Variants in MYH9 observed in about 807,000 individuals in gnomAD.
MYH9 encodes the protein myosin-9.
In MYH9, 29 loss-of-function variants were observed where a neutral mutation model predicts 241.9. The observed-to-expected ratio is 0.12, with a 90% CI of 0.09 to 0.16. The LOEUF (loss-of-function observed/expected upper bound fraction) is 0.16, where lower values mean the gene tolerates loss of function less well. MYH9 is among the 10% of genes least tolerant of loss of function. The pLI, the probability that MYH9 is intolerant of heterozygous loss-of-function variation, is 1.00. For synonymous variants in MYH9, 1,047 were observed against 1,062.6 expected (o/e 0.99, Z 0.29); for missense variants, 1,803 against 2,595.5 (o/e 0.69, Z 6.63).
chr22:36,348,095 T>C (rs368341310), intron 2 of MYH9, among the ~76,000 whole-genome samples: 2 of 144,270 alleles, frequency 1.4e-5, no homozygotes, highest in African/African-American at 5.0e-5. Flanking sequence ...TATTTTAAGA[T>C]ATTTTTTAAA....
chr22:36,292,366 C>T (rs1361236640), intron 30 of MYH9, 132 bp from the exon 31 acceptor site: 1 of 1,208,498 alleles, frequency 8.3e-7, no homozygotes, highest in Non-Finnish European at 1.2e-6. Flanking sequence ...AGTTATGAAA[C>T]CGCCTCCCCC....
chr22:36,322,898 C>G (rs1487861608), intron 5 of MYH9, among the ~76,000 whole-genome samples: 2 of 152,226 alleles, frequency 1.3e-5, no homozygotes, highest in Non-Finnish European at 2.9e-5. Context: ...ACACCAGCTT[C>G]CCTCTACCTC....
intron 15 of MYH9, among the ~76,000 whole-genome samples, chr22:36,307,659 G>T (rs946743055): frequency 6.6e-6 from 1 of 152,098 alleles, no homozygotes; most frequent in Admixed American, 6.5e-5. Context: ...AGGCTGAGGC[G>T]GGTGGATCAC....
At chr22:36,342,466 A>G (rs1322579776) in intron 2 of MYH9, among the ~76,000 whole-genome samples, 2 of 152,182 alleles carry the variant, frequency 1.3e-5, no homozygotes, top group African/African-American at 2.4e-5. Flanking sequence ...ACCATTTCCA[A>G]CAGCAACAGT....
intron 1 of MYH9, among the ~76,000 whole-genome samples, chr22:36,362,080 A>G (rs1163208342): frequency 6.6e-6 from 1 of 152,172 alleles, no homozygotes; most frequent in Non-Finnish European, 1.5e-5. Flanking sequence ...AAAATAAAAA[A>G]AACAGAAATC....
At chr22:36,319,486 A>AT (rs2017214687) in intron 10 of MYH9, 54 bp downstream of exon 10, 5 of 1,556,890 alleles carry the variant, frequency 3.2e-6, no homozygotes. Context: ...TCCTGAGCAA[A>AT]TCCATGGCCA....
chr22:36,306,442 C>T lies in MYH9; in HGVS notation c.2009G>A (p.Arg670His), dbSNP rs2016971442. 1 of 1,614,098 alleles carries T rather than the reference C, an allele frequency of 6.2e-7. No individual in the cohort carries two copies. Among genetic ancestry groups the T allele is most frequent in the Non-Finnish European group, 8.5e-7 (1 of 1,180,022 alleles). Reference sequence around the variant, plus strand: ...CTTCTCGTGGTTGGGGATGATGCAGCGGACAAAGTTGGGGTTCGTGTTCCT... The same window carrying T: ...CTTCTCGTGGTTGGGGATGATGCAGTGGACAAAGTTGGGGTTCGTGTTCCT... ...TLRNTNPNFVRCIIPNHEKKA... is the reference protein window; with the variant it reads ...TLRNTNPNFVHCIIPNHEKKA... Residue 670 changes from arginine to histidine, a missense_variant, in exon 16 of 41, where the codon CGC becomes CAC. Coordinates refer to ENST00000216181, the MANE Select transcript of MYH9 (RefSeq NM_002473.6). The surrounding 1 kb of genome is among the most constrained non-coding windows in gnomAD (Gnocchi z 4.1).
At position 36,322,395 on chromosome 22, in the gene MYH9, GTCCCCAGAGCCGGGGCGCC is replaced by G; in HGVS notation, c.705+15_705+33del. 1 of 1,607,216 alleles carries G rather than the reference GTCCCCAGAGCCGGGGCGCC, an allele frequency of 6.2e-7. No homozygotes were observed. The highest frequency in any genetic ancestry group is 8.5e-7 in the Non-Finnish European group (1 of 1,174,174). On this transcript the variant is annotated intron_variant, in intron 6 of 40. Transcript: ENST00000216181. ...GCCAAAGCTCCGGGCAAGGCCCTCT[GTCCCCAGAGCCGGGGCGCC>G]GCCGCGCTACTCACGAAGCGGGAGG... is the stretch of plus-strand genomic sequence containing the variant.
intron 31 of MYH9, among the ~76,000 whole-genome samples, chr22:36,291,683 T>TAAAA (rs66686435): frequency 2.6e-4 from 23 of 86,850 alleles, no homozygotes; most frequent in South Asian, 8.3e-4. Flanking sequence ...ATAAAAAAAT[T>TAAAA]AAAAAAAAAA....
At position 36,301,817 on chromosome 22, in the gene MYH9, T is replaced by C. The variant is rs907361657; in HGVS notation, c.2500-152A>G. ...GGGCTGCAAGCAGGCACATCCTTCCTGGCGCTCTGTACCACGGGCTTCTGA... is the reference window on the plus strand; with the variant it reads ...GGGCTGCAAGCAGGCACATCCTTCCCGGCGCTCTGTACCACGGGCTTCTGA... On this transcript the variant is annotated intron_variant, in intron 20 of 40. Transcript: ENST00000216181. The C allele has an allele frequency of 3.0e-6, 3 of 1,011,452 alleles. No homozygotes were observed. In the Admixed American group the frequency reaches 6.0e-5, roughly 20 times the overall value. 62.7% of individuals were successfully genotyped at this position (1,011,452 alleles called of 1,614,324 possible). A position where few individuals can be genotyped will look rare whatever the true frequency, so the allele number is the denominator to read the frequency against.
intron 30 of MYH9, among the ~76,000 whole-genome samples, chr22:36,292,489 A>C (rs1321931082): frequency 6.6e-6 from 1 of 152,082 alleles, no homozygotes; most frequent in East Asian, 1.9e-4. Context: ...GGGGGCTCCC[A>C]GCCCACATCC....
rs373712846 is a variant in MYH9 at position 36,288,201 on chromosome 22, T to A, written c.4932+51A>T. On this transcript the variant is annotated intron_variant, in intron 34 of 40. Coordinates refer to ENST00000216181, the MANE Select transcript of MYH9 (RefSeq NM_002473.6). This position sits in a 1 kb window ranked among gnomAD's most constrained non-coding sequence, Gnocchi z 4.8. ...CGAGCCCTGGCACCTTCATATGTAG[T>A]TGGCTCAGTCGGGTGCCGCCCACCC... is the stretch of plus-strand genomic sequence containing the variant. The A allele has an allele frequency of 6.2e-7, 1 of 1,608,178 alleles. No individual in the cohort carries two copies. Among genetic ancestry groups the A allele is most frequent in the Admixed American group, 1.7e-5 (1 of 60,014 alleles).
chr22:36,357,114 C>T (rs193164103), intron 1 of MYH9, among the ~76,000 whole-genome samples: 38 of 152,290 alleles, frequency 2.5e-4, no homozygotes, highest in Admixed American at 1.4e-3. Context: ...GGAAGAACCA[C>T]GTCAACAACC....
rs1376851882 is a variant in MYH9, at chr22:36,341,408, T to C, written c.452A>G (p.Tyr151Cys). 5.0e-6 allele frequency: 8 copies of C among 1,614,146 alleles called. No homozygotes were observed. Among genetic ancestry groups the C allele is most frequent in the East Asian group, 2.2e-5 (1 of 44,886 alleles). The change falls in exon 3 of 41, where the codon TAT (tyrosine) becomes TGT (cysteine). Residue 151 changes from tyrosine to cysteine, a missense_variant. Transcript: ENST00000216181. ...KKRHEMPPHIYAITDTAYRSM... is the reference protein window; with the variant it reads ...KKRHEMPPHICAITDTAYRSM... ...CCTGTAGGCGGTGTCTGTGATGGCATAGATGTGAGGGGGCATCTCGTGCCT... is the reference window on the plus strand; with the variant it reads ...CCTGTAGGCGGTGTCTGTGATGGCACAGATGTGAGGGGGCATCTCGTGCCT...
At chr22:36,378,508 T>C (rs530466617) in intron 1 of MYH9, among the ~76,000 whole-genome samples, 1 of 152,250 alleles carries the variant, frequency 6.6e-6, no homozygotes, top group Admixed American at 6.5e-5. Flanking sequence ...AGACATTAAG[T>C]GACCTAAAGT....
chr22:36,340,263 G>A (rs2017563985), intron 3 of MYH9, among the ~76,000 whole-genome samples: 1 of 151,726 alleles, frequency 6.6e-6, no homozygotes, highest in African/African-American at 2.4e-5. Context: ...GGGGAATGAG[G>A]AGCCTTTCTA....
At chr22:36,313,325 G>A (rs1162205558) in intron 13 of MYH9, among the ~76,000 whole-genome samples, 3 of 151,110 alleles carry the variant, frequency 2.0e-5, no homozygotes, top group Non-Finnish European at 4.4e-5. Context: ...GGTGGCGGGC[G>A]CCTGTAGTCC....
Position 36,330,119 on chromosome 22 carries a change from A to G in MYH9, c.491-2631T>C, listed in dbSNP as rs1201962820. 6.6e-6 allele frequency among the ~76,000 whole-genome samples: 1 copy of G among 152,116 alleles called. No individual in the cohort carries two copies. Among genetic ancestry groups the G allele is most frequent in the Admixed American group, 6.5e-5 (1 of 15,268 alleles). ...GAGCCAAATTCAGTGTCTCCTCTCC[A>G]TCCACCCGAGCGTCCCTAGCTCTCC... On this transcript the variant is annotated intron_variant, in intron 3 of 40. Coordinates refer to ENST00000216181, the MANE Select transcript of MYH9 (RefSeq NM_002473.6). The surrounding 1 kb of genome is among the most constrained non-coding windows in gnomAD (Gnocchi z 4.5).
intron 1 of MYH9, among the ~76,000 whole-genome samples, chr22:36,365,389 C>T (rs2017995649): frequency 6.6e-6 from 1 of 152,222 alleles, no homozygotes; most frequent in Admixed American, 6.5e-5. Flanking sequence ...AGGAACCACC[C>T]TAAGTCAGGG....
Sources: allele counts gnomAD v4.1 joint callset (sites outside exome capture counted in the v4.1 genomes callset), GRCh38; gene constraint gnomAD v4.1.1; non-coding constraint Gnocchi (gnomAD v3.1); transcripts MANE v1.5; gene names NCBI Gene and HGNC (gene_info 2026-07-23, HGNC 2026-07-21).